Variants in AGBL1 observed in about 807,000 individuals in gnomAD.
AGBL1 encodes the protein AGBL carboxypeptidase 1.
Under a neutral mutation model 118.9 loss-of-function variants are expected in AGBL1, and 130 were observed. The observed-to-expected ratio is 1.09, with a 90% CI of 0.95 to 1.26. AGBL1 has a LOEUF of 1.26. Among genes scored for constraint, AGBL1 ranks in the 50% most tolerant of loss-of-function variants. The pLI, the probability that AGBL1 is intolerant of heterozygous loss-of-function variation, is 0.00. For synonymous variants in AGBL1, 555 were observed against 478.9 expected, an observed-to-expected ratio of 1.16 and a Z score of -2.08; for missense variants, 1,584 against 1,298.1, an observed-to-expected ratio of 1.22 and a Z score of -3.38.
chr15:86,435,548 A>G lies in AGBL1; in HGVS notation c.2555+38002A>G, dbSNP rs140626194. ...AATCTCCATGTGAATCAGAAGTTCAAGCCAAATTAGAGATTTAAGGTTCTG... is the reference window on the plus strand; with the variant it reads ...AATCTCCATGTGAATCAGAAGTTCAGGCCAAATTAGAGATTTAAGGTTCTG... On this transcript the variant is annotated intron_variant, in intron 18 of 22. Transcript: ENST00000614907. Among the ~76,000 whole-genome samples, 236 of 152,326 alleles carry G rather than the reference A, an allele frequency of 1.5e-3. 1 individual carries two copies. Among genetic ancestry groups the G allele is most frequent in the African/African-American group, 5.5e-3 (229 of 41,576 alleles).
At chr15:86,296,911 A>T (rs931074493) in intron 17 of AGBL1, 2 of 152,158 alleles carry the variant, frequency 1.3e-5, no homozygotes, top group African/African-American at 4.8e-5. Context: ...AGTTGAGCAG[A>T]ACTCTGATGT....
At chr15:86,532,624 T>C (rs905014137) in intron 19 of AGBL1, among the ~76,000 whole-genome samples, 1 of 148,136 alleles carries the variant, frequency 6.8e-6, no homozygotes, top group African/African-American at 2.5e-5. Flanking sequence ...AAAGTTCATA[T>C]GGAACCAAAA....
chr15:86,595,828 C>CA (rs1276786133), intron 21 of AGBL1, among the ~76,000 whole-genome samples: 1 of 151,868 alleles, frequency 6.6e-6, no homozygotes, highest in Non-Finnish European at 1.5e-5. Flanking sequence ...GGGCAGGGGG[C>CA]AAGGGAATGG....
intron 22 of AGBL1, among the ~76,000 whole-genome samples, chr15:86,852,147 G>GT (rs2079415870): frequency 2.0e-5 from 3 of 152,122 alleles, no homozygotes; most frequent in Admixed American, 6.5e-5. Flanking sequence ...AGTTCCGCAT[G>GT]GCTGGAGAGG....
chr15:86,749,560 G>C (rs888359927), intron 22 of AGBL1, among the ~76,000 whole-genome samples: 3 of 152,112 alleles, frequency 2.0e-5, no homozygotes, highest in Non-Finnish European at 4.4e-5. Flanking sequence ...GAATAGGAGT[G>C]GTGAGAGAGG....
At position 86,136,348 on chromosome 15, in the gene AGBL1, C is replaced by T. The variant is rs146025956; in HGVS notation, c.52-5656C>T. ...GTATGTACAAAGTGTTGTTGGACAA[C>T]GAATTAGAACAAATAATTCTGTTCT... On this transcript the variant is annotated intron_variant, in intron 1 of 22. Transcript: ENST00000614907. Among the ~76,000 whole-genome samples, 88 of 152,272 alleles carry T rather than the reference C, an allele frequency of 5.8e-4. 1 individual carries two copies. The highest frequency in any genetic ancestry group is 2.9e-4 in the African/African-American group (12 of 41,548).
chr15:86,722,920 C>T (rs2086751009), intron 22 of AGBL1, among the ~76,000 whole-genome samples: 2 of 152,118 alleles, frequency 1.3e-5, no homozygotes, highest in South Asian at 4.1e-4. Context: ...TCATCACTGG[C>T]CATCAGAGAA....
intron 22 of AGBL1, among the ~76,000 whole-genome samples, chr15:86,783,401 T>C (rs2078361439): frequency 6.6e-6 from 1 of 152,222 alleles, no homozygotes; most frequent in Non-Finnish European, 1.5e-5. Context: ...ACTTTTTCAC[T>C]CATTTTTACC....
At chr15:86,267,347 T>G (rs999594467) in intron 13 of AGBL1, among the ~76,000 whole-genome samples, 3 of 152,186 alleles carry the variant, frequency 2.0e-5, no homozygotes, top group Non-Finnish European at 2.9e-5. Context: ...TCAGTAGAAG[T>G]GAACTGTTAT....
intron 21 of AGBL1, among the ~76,000 whole-genome samples, chr15:86,566,400 T>G (rs2448927): frequency 1 from 152,227 of 152,234 alleles, 76,110 homozygotes; most frequent in Middle Eastern, 1. Context: ...ATTTTATTCT[T>G]GCTGGTCTTT....
At chr15:86,495,543 T>C (rs1346184766) in intron 18 of AGBL1, among the ~76,000 whole-genome samples, 1 of 151,954 alleles carries the variant, frequency 6.6e-6, no homozygotes, top group East Asian at 1.9e-4. Flanking sequence ...ACCCATAAAT[T>C]GATAGATTCT....
At position 86,926,561 on chromosome 15, in the gene AGBL1, T is replaced by C. The variant is rs539770486; in HGVS notation, c.3222-61426T>C. Among the ~76,000 whole-genome samples, 3 of 152,358 alleles carry C rather than the reference T, an allele frequency of 2.0e-5. No homozygotes were observed. In the South Asian group the frequency reaches 6.2e-4, roughly 32 times the overall value. ...AAGCAAGTCAATTTATAGGGATTCCTTAGATCTATGAAGTGACTTGGTGTG... is the reference window on the plus strand; with the variant it reads ...AAGCAAGTCAATTTATAGGGATTCCCTAGATCTATGAAGTGACTTGGTGTG... On this transcript the variant is annotated intron_variant, in intron 23 of 24. Transcript: ENST00000441037.
intron 22 of AGBL1, among the ~76,000 whole-genome samples, chr15:86,711,575 C>T (rs1180484391): frequency 2.6e-5 from 4 of 152,242 alleles, no homozygotes; most frequent in Middle Eastern, 3.4e-3. Context: ...TAATCTAGTA[C>T]GGTTGCTAGC....
chr15:86,776,750 ATGTGTGTGTGTGTGTGTGTG>A, intron 22 of AGBL1, among the ~76,000 whole-genome samples: 1 of 139,730 alleles, frequency 7.2e-6, no homozygotes, highest in South Asian at 2.3e-4. Flanking sequence ...ATATATATAT[ATGTGTGTGTGTGTGTGTGTG>A]TGTGTGTGTG....
rs561849630 is a variant in AGBL1, at chr15:86,993,647, G to T, written c.3323+5559G>T. 2.0e-5 allele frequency among the ~76,000 whole-genome samples: 3 copies of T among 152,208 alleles called. No homozygotes were observed. In the South Asian group the frequency reaches 6.2e-4, roughly 32 times the overall value. ...TCAGTGAGTTTCACACTTATGATTTGTGCTATGTGAACTTTTCTTTATGTA... is the reference window on the plus strand; with the variant it reads ...TCAGTGAGTTTCACACTTATGATTTTTGCTATGTGAACTTTTCTTTATGTA... On this transcript the variant is annotated intron_variant, in intron 24 of 24. Transcript: ENST00000441037.
intron 18 of AGBL1, among the ~76,000 whole-genome samples, chr15:86,512,158 T>C (rs925428271): frequency 2.6e-5 from 4 of 151,946 alleles, no homozygotes; most frequent in Admixed American, 2.6e-4. Context: ...AAGTGCTGAA[T>C]GTCTGGTGGA....
chr15:86,774,698 G>T (rs1205829865), intron 22 of AGBL1, among the ~76,000 whole-genome samples: 1 of 151,990 alleles, frequency 6.6e-6, no homozygotes, highest in Non-Finnish European at 1.5e-5. Flanking sequence ...GAAAAATTAA[G>T]ATTTATATTG....
chr15:86,465,646 A>G (rs948384708), intron 18 of AGBL1, among the ~76,000 whole-genome samples: 83 of 152,310 alleles, frequency 5.4e-4, no homozygotes, highest in African/African-American at 1.9e-3. Flanking sequence ...ATGCAGTTGT[A>G]GATAAGGGAT....
rs990180208 is a variant in AGBL1, at chr15:86,131,420, T to C, written c.52-10584T>C. ...AAAGTTTCCACTAAATAAATACTAA[T>C]TTGGCTATTTTACAATGTCCTATTT... is the stretch of plus-strand genomic sequence containing the variant. On this transcript the variant is annotated intron_variant, in intron 1 of 22. Coordinates refer to ENST00000614907, the MANE Select transcript of AGBL1 (RefSeq NM_001386094.1). Among the ~76,000 whole-genome samples, 3 of 152,190 alleles carry C rather than the reference T, an allele frequency of 2.0e-5. No individual in the cohort carries two copies. The East Asian group carries it at 5.8e-4, about 29-fold the overall frequency.
Sources: allele counts gnomAD v4.1 joint callset (sites outside exome capture counted in the v4.1 genomes callset), GRCh38; gene constraint gnomAD v4.1.1; transcripts MANE v1.5; gene names NCBI Gene and HGNC (gene_info 2026-07-23, HGNC 2026-07-21).